Variants in PPFIBP1 observed in about 807,000 individuals in gnomAD.
The protein encoded by PPFIBP1 is liprin-beta-1.
In PPFIBP1, 112 loss-of-function variants were observed where a neutral mutation model predicts 137.8. The observed-to-expected ratio is 0.81, with a 90% CI of 0.70 to 0.95. PPFIBP1 has a LOEUF of 0.95. Among genes scored for constraint, PPFIBP1 ranks in the 40% least tolerant of loss-of-function variants. PPFIBP1 has a pLI of 0.00. For missense variants in PPFIBP1, 1,083 were observed against 1,196.6 expected, an observed-to-expected ratio of 0.91 and a Z score of 1.40; for synonymous variants, 378 against 417.3, an observed-to-expected ratio of 0.91 and a Z score of 1.15.
At chr12:27,568,845 G>T (rs1371955889) in intron 1 of PPFIBP1, among the ~76,000 whole-genome samples, 1 of 152,088 alleles carries the variant, frequency 6.6e-6, no homozygotes, top group Non-Finnish European at 1.5e-5. Context: ...CAACTACATT[G>T]TATATGTATT....
intron 2 of PPFIBP1, among the ~76,000 whole-genome samples, chr12:27,606,542 T>C (rs2054540694): frequency 6.6e-6 from 1 of 152,368 alleles, no homozygotes. Context: ...ACATAAACTT[T>C]AACAACTTAC....
rs144373966 is a variant in PPFIBP1 at position 27,537,376 on chromosome 12, C to T, written c.-124+13011C>T. ...TCAAACTCCTGACCTCGTGATCCGC[C>T]GGCCTCGGCCTCCCAAAGTGCTGGG... On this transcript the variant is annotated intron_variant, in intron 1 of 29. Coordinates refer to ENST00000228425, the MANE Select transcript of PPFIBP1 (RefSeq NM_003622.4). Among the ~76,000 whole-genome samples the T allele has an allele frequency of 4.8e-4, 73 of 152,272 alleles. 2 individuals are homozygous for T. In the East Asian group the frequency reaches 0.012, roughly 26 times the overall value.
chr12:27,564,754 T>TCTCCCTCC, intron 1 of PPFIBP1, among the ~76,000 whole-genome samples: 1 of 152,284 alleles, frequency 6.6e-6, no homozygotes, highest in East Asian at 1.9e-4. Flanking sequence ...CTCCTGCCTC[T>TCTCCCTCC]CTCCCTCCCT....
In PPFIBP1 at chr12:27,647,845, A is replaced by G. The variant is rs771326560; in HGVS notation, c.471+3A>G. On this transcript the variant is annotated splice_donor_region_variant and intron_variant, in intron 6 of 29. Coordinates refer to ENST00000228425, the MANE Select transcript of PPFIBP1 (RefSeq NM_003622.4). ...CCACAGAAGAAATGCTGCAGCAGGT[A>G]TGTGCAGAGGCCAGAACCAAGATGG... 4.4e-5 allele frequency: 71 copies of G among 1,611,142 alleles called. No homozygotes were observed. The Middle Eastern group carries it at 1.3e-3, about 30-fold the overall frequency.
chr12:27,681,797 G>C, intron 22 of PPFIBP1, 101 bp downstream of exon 22: 1 of 1,346,806 alleles, frequency 7.4e-7, no homozygotes. Context: ...AGTGAAGCCA[G>C]TAAAAACTCT....
At chr12:27,595,839 A>G (rs1290442432) in intron 2 of PPFIBP1, among the ~76,000 whole-genome samples, 1 of 143,938 alleles carries the variant, frequency 6.9e-6, no homozygotes, top group Non-Finnish European at 1.5e-5. Context: ...GGGCAACAAC[A>G]GCGACACTCT....
Position 27,660,913 on chromosome 12 carries a change from G to A in PPFIBP1, c.874G>A (p.Val292Met), listed in dbSNP as rs535838901. The A allele has an allele frequency of 6.8e-6, 11 of 1,613,462 alleles. No homozygotes were observed. In the Admixed American group the frequency reaches 8.3e-5, roughly 12 times the overall value. The change falls in exon 11 of 30, where the codon GTG becomes ATG. Residue 292 changes from valine to methionine, a missense_variant. Transcript: ENST00000228425. ...CGAAGTACAAAAAATGAAAAAAGCT[G>A]TGGAGTCCTTGATGGCAGCAAATGA... ...NIEVQKMKKAVESLMAANEEK... is the reference protein window; with the variant it reads ...NIEVQKMKKAMESLMAANEEK...
At chr12:27,659,528 A>T (rs888917552) in intron 10 of PPFIBP1, among the ~76,000 whole-genome samples, 4 of 152,034 alleles carry the variant, frequency 2.6e-5, no homozygotes, top group Non-Finnish European at 5.9e-5. Context: ...TGGAAGGATC[A>T]CTTGAGCCCC....
At chr12:27,541,840 C>T (rs777198886) in intron 1 of PPFIBP1, among the ~76,000 whole-genome samples, 7 of 152,050 alleles carry the variant, frequency 4.6e-5, no homozygotes, top group Non-Finnish European at 8.8e-5. Flanking sequence ...CCAGAGCTTC[C>T]GACTCCAGGG....
At chr12:27,613,015 TGA>T (rs2055326214) in intron 2 of PPFIBP1, among the ~76,000 whole-genome samples, 1 of 152,116 alleles carries the variant, frequency 6.6e-6, no homozygotes, top group Admixed American at 6.5e-5. Flanking sequence ...TGGAATAGCA[TGA>T]GCTATTGATT....
At chr12:27,654,937 G>A in intron 8 of PPFIBP1, 123 bp downstream of exon 8, 3 of 1,415,822 alleles carry the variant, frequency 2.1e-6, no homozygotes, top group Non-Finnish European at 2.8e-6. Flanking sequence ...AAAAGTAAAT[G>A]AAGATTTCCC....
At chr12:27,555,818 T>C (rs2048659608) in intron 1 of PPFIBP1, among the ~76,000 whole-genome samples, 3 of 152,226 alleles carry the variant, frequency 2.0e-5, no homozygotes, top group Admixed American at 2.0e-4. Context: ...AATATGTTTA[T>C]TATTCTTTTA....
chr12:27,680,994 A>G (rs1306027915), intron 21 of PPFIBP1, among the ~76,000 whole-genome samples: 1 of 150,964 alleles, frequency 6.6e-6, no homozygotes, highest in East Asian at 2.0e-4. Context: ...GTACTATTTA[A>G]AAAAAACCAT....
At chr12:27,612,334 T>TTTTG (rs1462786273) in intron 2 of PPFIBP1, among the ~76,000 whole-genome samples, 1 of 138,864 alleles carries the variant, frequency 7.2e-6, no homozygotes, top group Non-Finnish European at 1.6e-5. Context: ...TGGTGTTTTT[T>TTTTG]TTTTTTTTTT....
chr12:27,664,648 G>A (rs532679745), intron 12 of PPFIBP1, among the ~76,000 whole-genome samples: 35 of 152,276 alleles, frequency 2.3e-4, no homozygotes, highest in African/African-American at 7.2e-4. Context: ...GTCATTGGTC[G>A]GGGAGTGCCT....
intron 2 of PPFIBP1, among the ~76,000 whole-genome samples, chr12:27,630,550 C>T (rs906232327): frequency 6.6e-6 from 1 of 152,142 alleles, no homozygotes; most frequent in African/African-American, 2.4e-5. Flanking sequence ...ACTTAAAAAA[C>T]TAATCTGATG....
intron 5 of PPFIBP1, 82 bp from the exon 6 acceptor site, chr12:27,647,647 T>TA: frequency 1.2e-6 from 1 of 840,590 alleles, no homozygotes; most frequent in Non-Finnish European, 1.8e-6. Context: ...TCATTCCTTT[T>TA]TTTGTTCCAT....
chr12:27,543,311 A>G (rs1407341470), intron 1 of PPFIBP1, among the ~76,000 whole-genome samples: 1 of 152,204 alleles, frequency 6.6e-6, no homozygotes, highest in East Asian at 1.9e-4. Context: ...ATGGAGTTAA[A>G]AATACCCTTT....
chr12:27,654,938 A>G, intron 8 of PPFIBP1, 124 bp downstream of exon 8: 1 of 1,414,722 alleles, frequency 7.1e-7, no homozygotes, highest in Admixed American at 2.8e-5. Flanking sequence ...AAAGTAAATG[A>G]AGATTTCCCC....
Sources: allele counts gnomAD v4.1 joint callset (sites outside exome capture counted in the v4.1 genomes callset), GRCh38; gene constraint gnomAD v4.1.1; transcripts MANE v1.5; gene names NCBI Gene and HGNC (gene_info 2026-07-23, HGNC 2026-07-21).